RNF182: variants seen among roughly 807,000 people sequenced by gnomAD.
The protein encoded by RNF182 is E3 ubiquitin-protein ligase RNF182.
RNF182 carries 15 observed loss-of-function variants against 14.4 expected under a neutral mutation model. That is an observed-to-expected ratio of 1.04 (90% CI 0.70 to 1.60). The LOEUF is 1.60. Among genes scored for constraint, RNF182 ranks in the 40% most tolerant of loss-of-function variants. RNF182 has a pLI of 0.00. For missense variants in RNF182, 268 were observed against 294.8 expected (o/e 0.91, Z 0.67); for synonymous variants, 128 against 122.9 (o/e 1.04, Z -0.27).
chr6:13,928,407 T>C (rs1758883476), intron 1 of RNF182, among the ~76,000 whole-genome samples: 1 of 152,256 alleles, frequency 6.6e-6, no homozygotes, highest in Admixed American at 6.5e-5. Flanking sequence ...GTTTCTCAGC[T>C]ATTAGGATTA....
chr6:13,967,234 A>G (rs1760056854), intron 1 of RNF182, among the ~76,000 whole-genome samples: 2 of 152,224 alleles, frequency 1.3e-5, no homozygotes, highest in Non-Finnish European at 2.9e-5. Flanking sequence ...AGAACAAGTA[A>G]TATAAGCTTT....
chr6:13,977,723 T>C lies in RNF182; in HGVS notation c.604T>C (p.Tyr202His). 1 of 1,614,202 alleles carries C rather than the reference T, an allele frequency of 6.2e-7. No individual in the cohort carries two copies. The highest frequency in any genetic ancestry group is 1.1e-5 in the South Asian group (1 of 91,082). The change falls in exon 3 of 3, where the codon TAC becomes CAC. Residue 202 changes from tyrosine (Y) to histidine (H), a missense_variant. By Grantham distance (83) the Tyr-to-His change is moderately conservative. Transcript: ENST00000488300. Reference protein sequence around the residue: ...LYFSSLPLGIYLLVSKKVTLG... With the variant: ...LYFSSLPLGIHLLVSKKVTLG... ...CTTCAGCTCCTTACCCTTAGGAATC[T>C]ACTTACTGGTGTCTAAGAAAGTCAC...
chr6:13,973,169 T>C (rs1397974988), intron 1 of RNF182, among the ~76,000 whole-genome samples: 1 of 152,204 alleles, frequency 6.6e-6, no homozygotes, highest in Admixed American at 6.5e-5. Flanking sequence ...TGTAGCCCCT[T>C]TGTTTTGACC....
chr6:13,962,388 T>C (rs1759905419), intron 1 of RNF182, among the ~76,000 whole-genome samples: 1 of 152,194 alleles, frequency 6.6e-6, no homozygotes, highest in Non-Finnish European at 1.5e-5. Context: ...TGTTCTGCCT[T>C]GATAGTCACA....
intron 1 of RNF182, among the ~76,000 whole-genome samples, chr6:13,941,725 A>T (rs796144159): frequency 4.7e-4 from 72 of 152,240 alleles, no homozygotes; most frequent in African/African-American, 1.6e-3. Flanking sequence ...CCTAGAGATT[A>T]TAACATCTAT....
chr6:13,960,802 C>A (rs1759861127), intron 1 of RNF182, among the ~76,000 whole-genome samples: 1 of 152,066 alleles, frequency 6.6e-6, no homozygotes, highest in South Asian at 2.1e-4. Flanking sequence ...ATAACCTATG[C>A]TAATTTCTTT....
intron 1 of RNF182, among the ~76,000 whole-genome samples, chr6:13,960,180 T>C (rs570399885): frequency 2.0e-5 from 3 of 152,334 alleles, no homozygotes; most frequent in South Asian, 4.1e-4. Flanking sequence ...TCCATTTGCC[T>C]TTACAATCAG....
intron 1 of RNF182, among the ~76,000 whole-genome samples, chr6:13,952,829 G>T (rs1759629627): frequency 6.6e-6 from 1 of 152,062 alleles, no homozygotes; most frequent in African/African-American, 2.4e-5. Context: ...AGCGAGAGGA[G>T]GAACACATCT....
At chr6:13,952,576 T>C (rs1376008996) in intron 1 of RNF182, among the ~76,000 whole-genome samples, 1 of 152,098 alleles carries the variant, frequency 6.6e-6, no homozygotes, top group East Asian at 1.9e-4. Flanking sequence ...GTCGGCCAAT[T>C]GGTGCTGTGC....
intron 1 of RNF182, among the ~76,000 whole-genome samples, chr6:13,942,908 G>A (rs1164623481): frequency 6.6e-6 from 1 of 152,058 alleles, no homozygotes; most frequent in Non-Finnish European, 1.5e-5. Flanking sequence ...CTTTATGGAA[G>A]TATAACTTAT....
At chr6:13,939,676 T>G (rs1359615588) in intron 1 of RNF182, among the ~76,000 whole-genome samples, 1 of 152,172 alleles carries the variant, frequency 6.6e-6, no homozygotes, top group Non-Finnish European at 1.5e-5. Flanking sequence ...CCTGAGTAGC[T>G]GGGACTACAG....
intron 1 of RNF182, among the ~76,000 whole-genome samples, chr6:13,971,629 G>C (rs1023565109): frequency 6.6e-6 from 1 of 152,174 alleles, no homozygotes; most frequent in Non-Finnish European, 1.5e-5. Flanking sequence ...GAACTTCCTA[G>C]AGTCTTGGAG....
chr6:13,948,243 C>T (rs1361935120), intron 1 of RNF182, among the ~76,000 whole-genome samples: 2 of 152,102 alleles, frequency 1.3e-5, no homozygotes, highest in Non-Finnish European at 2.9e-5. Context: ...TATAAGAGTA[C>T]TTGTCAGAGT....
intron 1 of RNF182, among the ~76,000 whole-genome samples, chr6:13,960,421 C>G (rs2113628272): frequency 6.6e-6 from 1 of 152,242 alleles, no homozygotes; most frequent in Middle Eastern, 3.4e-3. Context: ...GCAGGAGGAT[C>G]ACTTGAGGCC....
intron 1 of RNF182, among the ~76,000 whole-genome samples, chr6:13,967,878 A>C (rs1472621887): frequency 6.6e-6 from 1 of 152,170 alleles, no homozygotes; most frequent in African/African-American, 2.4e-5. Context: ...CCTTTATATC[A>C]AAGGAGAAAT....
chr6:13,975,282 T>C (rs1225949896), intron 2 of RNF182, among the ~76,000 whole-genome samples: 1 of 152,196 alleles, frequency 6.6e-6, no homozygotes, highest in East Asian at 1.9e-4. Context: ...TAGTCATATT[T>C]TGCAGTGACA....
intron 1 of RNF182, among the ~76,000 whole-genome samples, chr6:13,972,662 C>G (rs1374243986): frequency 1.3e-5 from 2 of 152,190 alleles, no homozygotes; most frequent in Admixed American, 6.5e-5. Context: ...AGGGTGCAAG[C>G]CCCAAACCTT....
intron 1 of RNF182, among the ~76,000 whole-genome samples, chr6:13,960,286 A>T (rs1002489862): frequency 6.6e-6 from 1 of 152,182 alleles, no homozygotes; most frequent in Non-Finnish European, 1.5e-5. Context: ...ATGCTTGCTG[A>T]ATTATTAAAT....
Position 13,929,331 on chromosome 6 carries a change from G to C in RNF182, c.-367+4308G>C, listed in dbSNP as rs114305221. 6.3e-3 allele frequency among the ~76,000 whole-genome samples: 957 copies of C among 152,256 alleles called. 9 individuals are homozygous for C. Among genetic ancestry groups the C allele is most frequent in the African/African-American group, 0.022 (922 of 41,548 alleles). On this transcript the variant is annotated intron_variant, in intron 1 of 2. Coordinates refer to ENST00000488300, the MANE Select transcript of RNF182 (RefSeq NM_152737.4). Reference sequence around the variant, plus strand: ...TGTGAATCATCTTCCCTCTTCTATAGCTATAGTCATTCAAGGCAGACATGG... The same window carrying C: ...TGTGAATCATCTTCCCTCTTCTATACCTATAGTCATTCAAGGCAGACATGG...
Sources: allele counts gnomAD v4.1 joint callset (sites outside exome capture counted in the v4.1 genomes callset), GRCh38; gene constraint gnomAD v4.1.1; transcripts MANE v1.5; gene names NCBI Gene and HGNC (gene_info 2026-07-23, HGNC 2026-07-21).